Variants in ARSL observed in about 807,000 individuals in gnomAD.
The protein encoded by ARSL is arylsulfatase E (chondrodysplasia punctata 1).
ARSL carries 4 observed loss-of-function variants against 31.1 expected under a neutral mutation model. The observed-to-expected ratio is 0.13, with a 90% CI of 0.06 to 0.29. ARSL has a LOEUF of 0.29. ARSL is among the 10% of genes least tolerant of loss of function. The probability of loss-of-function intolerance (pLI) is 1.00; values close to 1 mark genes in which losing one functional copy is unlikely to be tolerated. For missense variants in ARSL, 312 were observed against 497.8 expected (o/e 0.63, Z 3.55); for synonymous variants, 198 against 209.9 (o/e 0.94, Z 0.49).
At chrX:2,964,629 T>G (rs150725358), upstream of ARSL, 1,016 of 185,847 alleles carry the variant, frequency 5.5e-3, 9 homozygotes, top group African/African-American at 0.027. Flanking sequence ...TGTCCTTAGG[T>G]TTTTAAGTGA....
At chrX:2,965,606 CAT>C (rs892937844), upstream of ARSL, among the ~76,000 whole-genome samples, 2 of 108,405 alleles carry the variant, frequency 1.8e-5, no homozygotes, top group Non-Finnish European at 3.9e-5. Flanking sequence ...GGTTTAAAAA[CAT>C]AGAAAAGACG....
intron 5 of ARSL, among the ~76,000 whole-genome samples, chrX:2,951,628 A>G (rs757579088): frequency 2.9e-5 from 3 of 103,991 alleles, no homozygotes; most frequent in Non-Finnish European, 5.9e-5. Flanking sequence ...AAAAAAAAAA[A>G]AAAAAAAGAA....
chrX:2,951,874 GTT>G (rs63021261), intron 5 of ARSL, among the ~76,000 whole-genome samples: 3 of 84,178 alleles, frequency 3.6e-5, no homozygotes, highest in Admixed American at 1.4e-4. Flanking sequence ...CCCAGAATTT[GTT>G]TTTTTTTTTT....
At chrX:2,940,263 C>T (rs1357850619) in intron 8 of ARSL, among the ~76,000 whole-genome samples, 1 of 111,643 alleles carries the variant, frequency 9.0e-6, no homozygotes, top group East Asian at 2.8e-4. Flanking sequence ...AACATTTCCA[C>T]AACACAGATG....
chrX:2,958,248 C>T, intron 3 of ARSL, 26 bp downstream of exon 3: 17 of 1,210,046 alleles, frequency 1.4e-5, no homozygotes, highest in Non-Finnish European at 1.9e-5. Context: ...TTGGGGGCAC[C>T]AGGTGAGTAA....
chrX:2,949,271 G>A (rs370091334), intron 6 of ARSL, 33 bp downstream of exon 6: 424 of 1,204,971 alleles, frequency 3.5e-4, no homozygotes, highest in Non-Finnish European at 4.6e-4. Context: ...CCAAAGCTGA[G>A]TGCTTGGAGG....
chrX:2,963,430 C>A (rs5982943), intron 1 of ARSL, among the ~76,000 whole-genome samples: 12,892 of 109,567 alleles, frequency 0.12, 1,859 homozygotes, highest in African/African-American at 0.41. Flanking sequence ...CCACCACAAA[C>A]TAGGGGAAGA....
upstream of ARSL, among the ~76,000 whole-genome samples, chrX:2,966,513 C>A (rs745672459): frequency 1.9e-5 from 2 of 106,517 alleles, no homozygotes; most frequent in Non-Finnish European, 3.8e-5. Flanking sequence ...TGGTGGCTCA[C>A]GCCTATAATC....
intron 7 of ARSL, among the ~76,000 whole-genome samples, chrX:2,943,507 C>T (rs918435474): frequency 1.8e-5 from 2 of 108,310 alleles, no homozygotes; most frequent in East Asian, 2.9e-4. Context: ...TTTAGGAGGC[C>T]GAGGCAGGAG....
Position 2,944,808 on chromosome X carries a change from G to A in ARSL, c.991+1190C>T, listed in dbSNP as rs759555052. Among the ~76,000 whole-genome samples, 11 of 110,798 alleles carry A rather than the reference G, an allele frequency of 9.9e-5. No individual in the cohort carries two copies. The South Asian group carries it at 2.7e-3, about 27-fold the overall frequency. On this transcript the variant is annotated intron_variant, in intron 7 of 10. Coordinates refer to ENST00000381134, the MANE Select transcript of ARSL (RefSeq NM_000047.3). ...ATGAGGGAATGAGGCAAGACAATCCGGCCCCACAGGAGTTTATATTCCCCT... is the reference window on the plus strand; with the variant it reads ...ATGAGGGAATGAGGCAAGACAATCCAGCCCCACAGGAGTTTATATTCCCCT...
At chrX:2,953,302 A>G (rs1358756509) in intron 4 of ARSL, 37 bp from the exon 5 acceptor site, 1 of 1,188,052 alleles carries the variant, frequency 8.4e-7, no homozygotes, top group Admixed American at 2.2e-5. Flanking sequence ...TTACTGTTCC[A>G]CATTTTTTTT....
At chrX:2,965,554 C>CA (rs58446517), upstream of ARSL, among the ~76,000 whole-genome samples, 3,077 of 99,967 alleles carry the variant, frequency 0.031, 120 homozygotes, top group African/African-American at 0.1. Flanking sequence ...AAAAAATAAG[C>CA]AAAAAAAAAA....
upstream of ARSL, among the ~76,000 whole-genome samples, chrX:2,966,618 A>C (rs545835929): frequency 6.7e-4 from 72 of 107,493 alleles, no homozygotes; most frequent in South Asian, 0.014. Flanking sequence ...TCTAGAAAAA[A>C]AAAACAAAAC....
intron 2 of ARSL, chrX:2,959,768 A>G (rs886071661): frequency 9.1e-7 from 1 of 1,102,092 alleles, no homozygotes; most frequent in African/African-American, 1.9e-5. Context: ...CAAGAGATCC[A>G]GAAGCGGTCA....
chrX:2,939,545 G>A (rs1181109737), intron 8 of ARSL, among the ~76,000 whole-genome samples: 1 of 111,899 alleles, frequency 8.9e-6, no homozygotes, highest in East Asian at 2.8e-4. Flanking sequence ...AGTTGTTGTG[G>A]GAAGGCATTA....
chrX:2,935,291 G>GTCCA, intron 10 of ARSL, 101 bp from the exon 11 acceptor site: 4 of 766,079 alleles, frequency 5.2e-6, no homozygotes, highest in Non-Finnish European at 7.9e-6. Context: ...TAACCCAAGC[G>GTCCA]TCCATCGATG....
At chrX:2,937,801 T>C (rs2089223943) in intron 9 of ARSL, among the ~76,000 whole-genome samples, 1 of 111,889 alleles carries the variant, frequency 8.9e-6, no homozygotes, top group Non-Finnish European at 1.9e-5. Context: ...CACGCTTACA[T>C]GTGGACATAC....
chrX:2,966,946 T>A (rs1262574798), upstream of ARSL, among the ~76,000 whole-genome samples: 1 of 111,133 alleles, frequency 9.0e-6, no homozygotes, highest in African/African-American at 3.3e-5. Flanking sequence ...CATACATATA[T>A]GTATACATAA....
intron 5 of ARSL, among the ~76,000 whole-genome samples, chrX:2,950,299 G>T (rs1286145582): frequency 2.7e-5 from 3 of 112,068 alleles, no homozygotes; most frequent in African/African-American, 9.7e-5. Context: ...ACTCTATTGT[G>T]AGCTGGATCC....
Sources: gnomAD v4.1 joint callset for allele counts (sites outside exome capture counted in the v4.1 genomes callset) on GRCh38, gnomAD v4.1.1 for gene constraint, MANE v1.5 for transcripts, NCBI Gene and HGNC (gene_info 2026-07-23, HGNC 2026-07-21) for gene names.